The following PSD3 variants were observed in gnomAD, a reference collection of about 807,000 sequenced individuals.
PSD3 encodes PH and SEC7 domain-containing protein 3.
Under a neutral mutation model 105.5 loss-of-function variants are expected in PSD3, and 49 were observed. That is an observed-to-expected ratio of 0.46 (90% CI 0.37 to 0.59). PSD3 has a LOEUF of 0.59. Among genes scored for constraint, PSD3 ranks in the 20% least tolerant of loss-of-function variants. The probability of loss-of-function intolerance (pLI) is 0.00; values close to 1 mark genes in which losing one functional copy is unlikely to be tolerated. For synonymous variants in PSD3, 557 were observed against 457.8 expected (o/e 1.22, Z -2.77); for missense variants, 1,561 against 1,263.8 (o/e 1.24, Z -3.57).
chr8:18,767,514 G>A (rs753690527), intron 8 of PSD3, among the ~76,000 whole-genome samples: 2 of 152,162 alleles, frequency 1.3e-5, no homozygotes, highest in Admixed American at 6.5e-5. Context: ...TTCGGAGGCC[G>A]AGGCAGGTAG....
chr8:18,667,095 A>G (rs1414664756), intron 9 of PSD3, among the ~76,000 whole-genome samples: 1 of 152,090 alleles, frequency 6.6e-6, no homozygotes, highest in Non-Finnish European at 1.5e-5. Flanking sequence ...CAGCTCATAA[A>G]GGCAGTGTGG....
chr8:18,798,643 A>G (rs1810400174), intron 8 of PSD3, among the ~76,000 whole-genome samples: 1 of 152,186 alleles, frequency 6.6e-6, no homozygotes, highest in East Asian at 1.9e-4. Context: ...AGAATTCGTT[A>G]AATATGGACT....
chr8:18,964,857 A>G (rs540906846), intron 1 of PSD3, among the ~76,000 whole-genome samples: 63 of 152,326 alleles, frequency 4.1e-4, no homozygotes, highest in Middle Eastern at 3.4e-3. Flanking sequence ...ATATTTCAGG[A>G]ACTATAATTA....
intron 12 of PSD3, among the ~76,000 whole-genome samples, chr8:18,594,736 T>C (rs767463984): frequency 6.6e-6 from 1 of 151,846 alleles, no homozygotes; most frequent in Non-Finnish European, 1.5e-5. Context: ...TATTTGCATA[T>C]ATCATATGTA....
chr8:19,014,285 G>A (rs1171233583), upstream of PSD3: 1 of 152,214 alleles, frequency 6.6e-6, no homozygotes. This position sits in a 1 kb window ranked among gnomAD's most constrained non-coding sequence, Gnocchi z 4.9. Flanking sequence ...CGCGGCCGGA[G>A]CGTTTAGTCC....
chr8:18,805,466 T>C (rs1260571644), intron 4 of PSD3, among the ~76,000 whole-genome samples: 1 of 152,122 alleles, frequency 6.6e-6, no homozygotes, highest in African/African-American at 2.4e-5. Context: ...AAAAAAGAAA[T>C]ATTTTAATAT....
intron 11 of PSD3, among the ~76,000 whole-genome samples, chr8:18,611,733 A>G (rs1001222276): frequency 6.6e-6 from 1 of 151,712 alleles, no homozygotes; most frequent in African/African-American, 2.4e-5. Context: ...CTGGAACTTT[A>G]TTAGAGCCTT....
At chr8:18,608,495 A>G (rs1805027833) in intron 11 of PSD3, among the ~76,000 whole-genome samples, 1 of 152,226 alleles carries the variant, frequency 6.6e-6, no homozygotes, top group Non-Finnish European at 1.5e-5. Flanking sequence ...AGTTCCTCCA[A>G]AGATGGGTGA....
intron 1 of PSD3, among the ~76,000 whole-genome samples, chr8:19,053,992 C>A (rs886595674): frequency 6.6e-6 from 1 of 152,212 alleles, no homozygotes; most frequent in Non-Finnish European, 1.5e-5. Context: ...AAAGAGGACT[C>A]CTTGAGCTTA....
At chr8:18,591,036 C>T (rs978145048) in intron 12 of PSD3, among the ~76,000 whole-genome samples, 2 of 152,110 alleles carry the variant, frequency 1.3e-5, no homozygotes, top group African/African-American at 4.8e-5. Flanking sequence ...CTCCCATCTC[C>T]CCAATAAAAA....
intron 4 of PSD3, among the ~76,000 whole-genome samples, chr8:18,813,248 G>A (rs1281773622): frequency 6.6e-6 from 1 of 152,160 alleles, no homozygotes; most frequent in African/African-American, 2.4e-5. Flanking sequence ...GAACACAAGA[G>A]GAAGAAGAGG....
chr8:18,816,467 G>GT (rs569823905), intron 4 of PSD3, among the ~76,000 whole-genome samples: 1 of 152,068 alleles, frequency 6.6e-6, no homozygotes, highest in Non-Finnish European at 1.5e-5. Context: ...ATTACTACAG[G>GT]TTATACTGCA....
intron 1 of PSD3, among the ~76,000 whole-genome samples, chr8:19,047,966 G>GAA (rs1490052685): frequency 6.6e-6 from 1 of 152,044 alleles, no homozygotes; most frequent in Admixed American, 6.6e-5. Flanking sequence ...GAAGCAGCAT[G>GAA]AAAATTCACC....
At chr8:18,749,272 T>C (rs1418052596) in intron 9 of PSD3, among the ~76,000 whole-genome samples, 1 of 152,134 alleles carries the variant, frequency 6.6e-6, no homozygotes, top group Non-Finnish European at 1.5e-5. Flanking sequence ...TCTAAGCTGT[T>C]ACCCCACAAC....
chr8:18,921,901 C>T (rs1821046515), intron 2 of PSD3, among the ~76,000 whole-genome samples: 2 of 152,308 alleles, frequency 1.3e-5, no homozygotes, highest in African/African-American at 4.8e-5. Context: ...CCAAGGCACA[C>T]TCAGTGTTGG....
chr8:18,576,948 C>T (rs769614251), intron 12 of PSD3, among the ~76,000 whole-genome samples: 1 of 151,112 alleles, frequency 6.6e-6, no homozygotes, highest in African/African-American at 2.4e-5. Flanking sequence ...TTCCTCTTCC[C>T]TATTTTCTTT....
chr8:18,929,230 G>C (rs945569373), intron 2 of PSD3, among the ~76,000 whole-genome samples: 12 of 146,768 alleles, frequency 8.2e-5, no homozygotes, highest in Admixed American at 4.9e-4. Flanking sequence ...AATTTCAAAA[G>C]AAAATAAATT....
At chr8:18,546,764 T>A (rs1230848507) in intron 15 of PSD3, among the ~76,000 whole-genome samples, 1 of 152,200 alleles carries the variant, frequency 6.6e-6, no homozygotes, top group African/African-American at 2.4e-5. Context: ...ATTTGTACCT[T>A]TTGATCAACA....
intron 3 of PSD3, among the ~76,000 whole-genome samples, chr8:18,870,645 G>A (rs1024070635): frequency 2.0e-5 from 3 of 149,826 alleles, no homozygotes; most frequent in Admixed American, 6.7e-5. Flanking sequence ...AAACCTGCAC[G>A]TTCTGCACAT....
Sources: gnomAD v4.1 joint callset for allele counts (sites outside exome capture counted in the v4.1 genomes callset) on GRCh38, gnomAD v4.1.1 for gene constraint, Gnocchi (gnomAD v3.1) non-coding constraint, MANE v1.5 for transcripts, NCBI Gene and HGNC (gene_info 2026-07-23, HGNC 2026-07-21) for gene names.